CLOCK: variants seen among roughly 807,000 people sequenced by gnomAD.
CLOCK encodes circadian locomoter output cycles protein kaput.
A neutral mutation model predicts 118.4 loss-of-function variants in CLOCK; 43 were observed. The ratio of observed to expected loss-of-function variants is 0.36; its 90% CI spans 0.28 to 0.47. The LOEUF (loss-of-function observed/expected upper bound fraction) is 0.47, where lower values mean the gene tolerates loss of function less well. Ranked by LOEUF, CLOCK falls within the 20% of genes least tolerant of loss-of-function variation. The pLI, the probability that CLOCK is intolerant of heterozygous loss-of-function variation, is 1.00. For missense variants in CLOCK, 846 were observed against 999.9 expected, an observed-to-expected ratio of 0.85 and a Z score of 2.08; for synonymous variants, 326 against 339.2, an observed-to-expected ratio of 0.96 and a Z score of 0.43.
At chr4:55,537,210 T>C (rs944396374) in intron 1 of CLOCK, among the ~76,000 whole-genome samples, 2 of 151,674 alleles carry the variant, frequency 1.3e-5, no homozygotes, top group Non-Finnish European at 2.9e-5. Flanking sequence ...CGGCCAGGAG[T>C]GGAGGCTCAC....
intron 2 of CLOCK, among the ~76,000 whole-genome samples, chr4:55,499,628 T>C (rs1047204765): frequency 3.9e-5 from 6 of 152,250 alleles, no homozygotes; most frequent in Admixed American, 6.5e-5. Context: ...ACCTACCTCC[T>C]GCTGTGCGGC....
At chr4:55,497,021 C>T (rs1728127189) in intron 2 of CLOCK, among the ~76,000 whole-genome samples, 1 of 152,098 alleles carries the variant, frequency 6.6e-6, no homozygotes, top group African/African-American at 2.4e-5. Context: ...CTTCCTATGG[C>T]CTCTATAAAA....
At chr4:55,510,362 C>G (rs1250467847) in intron 1 of CLOCK, among the ~76,000 whole-genome samples, 1 of 152,082 alleles carries the variant, frequency 6.6e-6, no homozygotes, top group Non-Finnish European at 1.5e-5. Context: ...TGCGGTGGCT[C>G]ATGCCTGTGA....
intron 2 of CLOCK, among the ~76,000 whole-genome samples, chr4:55,489,699 A>C (rs1324819180): frequency 6.6e-6 from 1 of 152,168 alleles, no homozygotes; most frequent in Non-Finnish European, 1.5e-5. Flanking sequence ...GTATTAAAAA[A>C]CTGTAACTAT....
chr4:55,435,125 A>G lies in CLOCK; in HGVS notation c.*290T>C. On this transcript the variant is annotated 3_prime_UTR_variant, in exon 23 of 23. Coordinates refer to ENST00000513440, the MANE Select transcript of CLOCK (RefSeq NM_004898.4). ...TTCCCTGGAGGTCATTTCATAGCTG[A>G]GCTTCTTAATATTTGGCAATATATT... 7.4e-6 allele frequency: 3 copies of G among 405,982 alleles called. No homozygotes were observed. The highest frequency in any genetic ancestry group is 1.4e-5 in the Non-Finnish European group (3 of 213,832). 25.1% of individuals were successfully genotyped at this position (405,982 alleles called of 1,614,324 possible). A position where few individuals can be genotyped will look rare whatever the true frequency, so the allele number is the denominator to read the frequency against.
rs888661973 is a variant in CLOCK at position 55,435,492 on chromosome 4, G to A, written c.2464C>T (p.Gln822Ter). The change falls in exon 23 of 23, where the codon CAG (glutamine) becomes TAG (stop). Residue 822 changes from glutamine to a stop codon, truncating the protein, a stop_gained. Coordinates refer to ENST00000513440, the MANE Select transcript of CLOCK (RefSeq NM_004898.4). LOFTEE classifies it high-confidence loss of function. ...TFPQSHHQQH[Q>*]SQQQQQLSRH... ...CTGAGTTGCTGCTGTTGCTGAGACT[G>A]ATGTTGCTGGTGATGTGACTGAGGG... 1.2e-6 allele frequency: 2 copies of A among 1,613,950 alleles called. No homozygotes were observed. The highest frequency in any genetic ancestry group is 1.7e-6 in the Non-Finnish European group (2 of 1,179,964).
chr4:55,536,748 T>C (rs969402886), intron 1 of CLOCK, among the ~76,000 whole-genome samples: 31 of 152,262 alleles, frequency 2.0e-4, no homozygotes, highest in African/African-American at 7.0e-4. Flanking sequence ...CCTATCTGCA[T>C]AGAAAATGAA....
At chr4:55,542,042 T>C (rs1731301517) in intron 1 of CLOCK, among the ~76,000 whole-genome samples, 1 of 130,354 alleles carries the variant, frequency 7.7e-6, no homozygotes. Flanking sequence ...CCTTGTGTTA[T>C]AATGTCTATG....
At chr4:55,456,079 G>A (rs962300713) in intron 12 of CLOCK, 76 bp from the exon 13 acceptor site, 14 of 1,119,508 alleles carry the variant, frequency 1.3e-5, no homozygotes, top group African/African-American at 3.5e-5. Context: ...ATAAACTTTG[G>A]GGGGGGGGCT....
At chr4:55,545,669 C>T (rs1731566560) in intron 1 of CLOCK, 1 of 152,172 alleles carries the variant, frequency 6.6e-6, no homozygotes, top group East Asian at 1.9e-4. Context: ...CAGAATTAGG[C>T]TCACCTACCA....
At chr4:55,462,183 C>A (rs556755019) in intron 9 of CLOCK, among the ~76,000 whole-genome samples, 1 of 152,300 alleles carries the variant, frequency 6.6e-6, no homozygotes, top group South Asian at 2.1e-4. Flanking sequence ...GCTCTTTCTG[C>A]CAAAGGCTTT....
intron 1 of CLOCK, among the ~76,000 whole-genome samples, chr4:55,541,790 A>G (rs978027914): frequency 6.6e-6 from 1 of 151,812 alleles, no homozygotes. Context: ...GGGAAAGCTT[A>G]AAAAAAACTA....
Position 55,435,594 on chromosome 4 carries a change from T to G in CLOCK, c.2362A>C (p.Thr788Pro). The change falls in exon 23 of 23, where the codon ACT (threonine) becomes CCT (proline). Residue 788 changes from threonine (T) to proline (P), a missense_variant and splice_region_variant. Thr to Pro is a conservative substitution (Grantham distance 38, BLOSUM62 -1). This residue lies in a region of CLOCK where 520 missense variants were observed against 558.0 expected (regional missense o/e 0.93). Coordinates refer to ENST00000513440, the MANE Select transcript of CLOCK (RefSeq NM_004898.4). ...LTQPPQQFLQ[T>P]SRLLHGNPST... ...GGATTCCCATGGAGCAACCTAGAAG[T>G]CTAAAAAACAAATGGATTATGCAGC... is the stretch of plus-strand genomic sequence containing the variant. 1 of 1,613,704 alleles carries G rather than the reference T, an allele frequency of 6.2e-7. No individual in the cohort carries two copies. The highest frequency in any genetic ancestry group is 1.3e-5 in the African/African-American group (1 of 74,988).
rs1725143091 is a variant in CLOCK, at chr4:55,459,272, A to C, written c.560-11T>G. 1.3e-6 allele frequency: 2 copies of C among 1,485,800 alleles called. No individual in the cohort carries two copies. The highest frequency in any genetic ancestry group is 2.8e-5 in the African/African-American group (2 of 72,330). The allele number at this position is 1,485,800 out of a possible 1,614,324, so 92.0% of individuals were successfully genotyped here. On this transcript the variant is annotated splice_polypyrimidine_tract_variant and intron_variant, in intron 9 of 22. Transcript: ENST00000513440. ...CTAACTGATTTTTTGCTGAAATAAAAGAGATTTTAAAAATCACATATTTCT... is the reference window on the plus strand; with the variant it reads ...CTAACTGATTTTTTGCTGAAATAAACGAGATTTTAAAAATCACATATTTCT...
chr4:55,477,973 C>T (rs1489140202), intron 6 of CLOCK, among the ~76,000 whole-genome samples: 5 of 152,014 alleles, frequency 3.3e-5, no homozygotes, highest in African/African-American at 9.7e-5. Context: ...AAGGTAATGT[C>T]ATTAGTGAAA....
intron 22 of CLOCK, among the ~76,000 whole-genome samples, chr4:55,437,298 G>A (rs1337717289): frequency 6.6e-6 from 1 of 152,134 alleles, no homozygotes; most frequent in Non-Finnish European, 1.5e-5. Flanking sequence ...CCCAGAAATT[G>A]ATGATAAGTG....
intron 8 of CLOCK, 134 bp from the exon 9 acceptor site, chr4:55,463,939 G>A (rs1725547216): frequency 2.3e-6 from 2 of 873,010 alleles, no homozygotes; most frequent in Non-Finnish European, 3.4e-6. Flanking sequence ...TCAAGTTATA[G>A]ACCAAATCTC....
rs774526208 is a variant in CLOCK, at chr4:55,442,521, G to A, written c.2016C>T (p.Ala672=). 40 of 1,609,152 alleles carry A rather than the reference G, an allele frequency of 2.5e-5. No homozygotes were observed. The highest frequency in any genetic ancestry group is 6.7e-5 in the East Asian group (3 of 44,714). Residue 672 remains alanine, a synonymous_variant, in exon 21 of 23, where the codon GCC becomes GCT. Coordinates refer to ENST00000513440, the MANE Select transcript of CLOCK (RefSeq NM_004898.4). ...TAGATGGAATCTGGACCATGCTTCC[G>A]GCTGCAGGCTGAGAAATCACCATAG... is the stretch of plus-strand genomic sequence containing the variant. ...YNTMVISQPA[A]GSMVQIPSSM...
chr4:55,444,902 T>C, intron 18 of CLOCK, 117 bp from the exon 19 acceptor site: 1 of 1,026,628 alleles, frequency 9.7e-7, no homozygotes, highest in Non-Finnish European at 1.5e-6. Context: ...CATCCTTCAC[T>C]AGTTATGTCC....
Sources: allele counts gnomAD v4.1 joint callset (sites outside exome capture counted in the v4.1 genomes callset), GRCh38; gene constraint gnomAD v4.1.1; regional missense constraint gnomAD v4.1.1; transcripts MANE v1.5; gene names NCBI Gene and HGNC (gene_info 2026-07-23, HGNC 2026-07-21).